FBXW7: variants seen among roughly 807,000 people sequenced by gnomAD.
FBXW7 encodes F-box and WD repeat domain containing 7.
FBXW7 carries 11 observed loss-of-function variants against 86.3 expected under a neutral mutation model. That is an observed-to-expected ratio of 0.13 (90% CI 0.08 to 0.21). FBXW7 has a LOEUF of 0.21. FBXW7 is among the 10% of genes least tolerant of loss of function. FBXW7 has a pLI of 1.00. For synonymous variants in FBXW7, 313 were observed against 297.9 expected, an observed-to-expected ratio of 1.05 and a Z score of -0.52; for missense variants, 488 against 847.4, an observed-to-expected ratio of 0.58 and a Z score of 5.27.
At chr4:152,425,487 G>A (rs957689534) in intron 2 of FBXW7, among the ~76,000 whole-genome samples, 6 of 151,942 alleles carry the variant, frequency 3.9e-5, no homozygotes, top group African/African-American at 1.5e-4. Flanking sequence ...CATCTCCCTG[G>A]AAGGAGTTAA....
chr4:152,390,033 A>G (rs1735862570), intron 4 of FBXW7, among the ~76,000 whole-genome samples: 1 of 151,996 alleles, frequency 6.6e-6, no homozygotes, highest in Non-Finnish European at 1.5e-5. Context: ...AAAATTTTTA[A>G]AAGATGAAAT....
At chr4:152,340,709 C>A (rs1385372376) in intron 6 of FBXW7, among the ~76,000 whole-genome samples, 7 of 150,716 alleles carry the variant, frequency 4.6e-5, no homozygotes, top group African/African-American at 1.7e-4. Context: ...TGATTCTAAA[C>A]AAAGATCTGG....
At position 152,535,496 on chromosome 4, in the gene FBXW7, C is replaced by T; in HGVS notation, c.-582G>A. The T allele has an allele frequency of 5.1e-6, 2 of 395,086 alleles. No individual in the cohort carries two copies. The allele number at this position is 395,086 out of a possible 1,614,324, so 24.5% of individuals were successfully genotyped here. The stretch of plus-strand genomic sequence containing the variant: ...CACATCGGGGTCCCCGCCCCCCCGG[C>T]CGGGGGGTGGTTGCCGAGCTTGGTT... On this transcript the variant is annotated 5_prime_UTR_variant, in exon 1 of 14. Coordinates refer to ENST00000281708, the MANE Select transcript of FBXW7 (RefSeq NM_001349798.2).
In FBXW7 at chr4:152,409,545, G is replaced by A. The variant is rs146410770; in HGVS notation, c.501+1758C>T. Reference sequence around the variant, plus strand: ...ACTCTGGCAGAAGGGTTTCAGGAATGGACAAAAAGGAAAACATTTAGAAAA... The same window carrying A: ...ACTCTGGCAGAAGGGTTTCAGGAATAGACAAAAAGGAAAACATTTAGAAAA... On this transcript the variant is annotated intron_variant, in intron 4 of 13. Transcript: ENST00000281708. 1.6e-3 allele frequency among the ~76,000 whole-genome samples: 245 copies of A among 152,084 alleles called. 1 individual carries two copies. Among genetic ancestry groups the A allele is most frequent in the Non-Finnish European group, 1.9e-3 (129 of 67,940 alleles).
intron 2 of FBXW7, among the ~76,000 whole-genome samples, chr4:152,477,283 A>G (rs915435037): frequency 1.3e-5 from 2 of 152,304 alleles, no homozygotes; most frequent in Admixed American, 6.5e-5. Context: ...AAAATATAAA[A>G]GTTCTAAGAA....
chr4:152,389,136 G>T, intron 4 of FBXW7, among the ~76,000 whole-genome samples: 1 of 152,112 alleles, frequency 6.6e-6, no homozygotes, highest in East Asian at 1.9e-4. Context: ...AAAAATAATA[G>T]ATGTTGGCGA....
chr4:152,374,888 G>C (rs978062494), intron 4 of FBXW7, among the ~76,000 whole-genome samples: 5 of 139,838 alleles, frequency 3.6e-5, no homozygotes, highest in South Asian at 2.4e-4. Context: ...AGTTACAGGA[G>C]GGGGGGGGAT....
intron 2 of FBXW7, among the ~76,000 whole-genome samples, chr4:152,434,796 T>C (rs1740225471): frequency 6.6e-6 from 1 of 152,174 alleles, no homozygotes; most frequent in Admixed American, 6.5e-5. Flanking sequence ...ATCAATATTG[T>C]TGAGAAATAT....
chr4:152,463,620 T>G (rs976857564), intron 2 of FBXW7, among the ~76,000 whole-genome samples: 6 of 152,220 alleles, frequency 3.9e-5, no homozygotes, highest in Non-Finnish European at 7.3e-5. Context: ...AAGCATTTAC[T>G]TAGTTCCAAC....
intron 4 of FBXW7, among the ~76,000 whole-genome samples, chr4:152,371,954 A>C (rs1486433392): frequency 6.6e-6 from 1 of 151,970 alleles, no homozygotes; most frequent in Non-Finnish European, 1.5e-5. Context: ...TAACAGTAGC[A>C]ACACACACAG....
At chr4:152,376,951 C>A (rs1268754007) in intron 4 of FBXW7, among the ~76,000 whole-genome samples, 2 of 151,252 alleles carry the variant, frequency 1.3e-5, no homozygotes, top group African/African-American at 2.4e-5. Context: ...AAAAAAAAAA[C>A]TTAAAAGGGA....
Position 152,536,023 on chromosome 4 carries a change from G to T in FBXW7, c.-1109C>A. 1 of 223,272 alleles carries T rather than the reference G, an allele frequency of 4.5e-6. No homozygotes were observed. The highest frequency in any genetic ancestry group is 8.7e-6 in the Non-Finnish European group (1 of 114,606). 13.8% of individuals were successfully genotyped at this position (223,272 alleles called of 1,614,324 possible). ...AGCGGCGGCGGCGGCGGCAGCGGCA[G>T]CGGCAGCGCCCGGAGCTCAGCTCGC... On this transcript the variant is annotated 5_prime_UTR_variant, in exon 1 of 14. It adds an upstream start codon to the 5' untranslated region. Coordinates refer to ENST00000281708, the MANE Select transcript of FBXW7 (RefSeq NM_001349798.2).
At chr4:152,492,618 CTAA>C (rs1324281909) in intron 2 of FBXW7, among the ~76,000 whole-genome samples, 1 of 152,072 alleles carries the variant, frequency 6.6e-6, no homozygotes, top group African/African-American at 2.4e-5. Flanking sequence ...TCCCTAATAA[CTAA>C]TGTTTTTATC....
chr4:152,501,968 G>A (rs1344601014), intron 2 of FBXW7, among the ~76,000 whole-genome samples: 1 of 152,100 alleles, frequency 6.6e-6, no homozygotes, highest in Non-Finnish European at 1.5e-5. Context: ...CAAAGAAAAT[G>A]CAAGTAGTTC....
At chr4:152,465,194 A>G (rs1199572206) in intron 2 of FBXW7, among the ~76,000 whole-genome samples, 1 of 145,922 alleles carries the variant, frequency 6.9e-6, no homozygotes, top group Non-Finnish European at 1.5e-5. Context: ...ACCTTCAAGG[A>G]AAAAAAAAAG....
At chr4:152,410,148 G>A (rs1236413592) in intron 4 of FBXW7, among the ~76,000 whole-genome samples, 1 of 152,124 alleles carries the variant, frequency 6.6e-6, no homozygotes, top group African/African-American at 2.4e-5. Context: ...GCTTAGTTTT[G>A]ATTGAACCTC....
chr4:152,405,478 A>G (rs891217793), intron 4 of FBXW7, among the ~76,000 whole-genome samples: 2 of 152,224 alleles, frequency 1.3e-5, no homozygotes, highest in Non-Finnish European at 2.9e-5. Context: ...GAAGACTTCA[A>G]ACATTCTCAT....
chr4:152,515,296 T>C (rs1748377361), intron 2 of FBXW7, among the ~76,000 whole-genome samples: 1 of 152,174 alleles, frequency 6.6e-6, no homozygotes, highest in Non-Finnish European at 1.5e-5. Context: ...TTTGTAGTAA[T>C]AAAAAAGCAG....
At chr4:152,452,787 A>C (rs1259630511) in intron 2 of FBXW7, among the ~76,000 whole-genome samples, 1 of 152,244 alleles carries the variant, frequency 6.6e-6, no homozygotes, top group Non-Finnish European at 1.5e-5. Context: ...CATAAACTTT[A>C]AATAGAACCT....
Sources: gnomAD v4.1 joint callset for allele counts (sites outside exome capture counted in the v4.1 genomes callset) on GRCh38, gnomAD v4.1.1 for gene constraint, MANE v1.5 for transcripts, NCBI Gene and HGNC (gene_info 2026-07-23, HGNC 2026-07-21) for gene names.